Variants in ZWILCH observed in about 807,000 individuals in gnomAD.
ZWILCH encodes the protein zwilch kinetochore protein, also known as protein zwilch homolog.
Under a neutral mutation model 79.9 loss-of-function variants are expected in ZWILCH, and 74 were observed. The observed-to-expected ratio is 0.93, with a 90% CI of 0.77 to 1.12. ZWILCH has a LOEUF of 1.12. Ranked by LOEUF, ZWILCH falls within the 50% of genes most tolerant of loss-of-function variation. The pLI, the probability that ZWILCH is intolerant of heterozygous loss-of-function variation, is 0.00. For synonymous variants in ZWILCH, 241 were observed against 228.2 expected (o/e 1.06, Z -0.51); for missense variants, 694 against 687.5 (o/e 1.01, Z -0.11).
At chr15:66,528,701 TCTC>T in intron 10 of ZWILCH, 148 bp from the exon 11 acceptor site, 1 of 582,266 alleles carries the variant, frequency 1.7e-6, no homozygotes, top group Non-Finnish European at 3.0e-6. Context: ...TTGATTTGTA[TCTC>T]CTCATTAGTG....
chr15:66,522,604 G>A (rs1240741348), intron 7 of ZWILCH, among the ~76,000 whole-genome samples: 2 of 151,476 alleles, frequency 1.3e-5, no homozygotes, highest in African/African-American at 4.9e-5. Flanking sequence ...CACCACACCT[G>A]GCCTAAAATA....
chr15:66,539,174 G>A (rs557140458), intron 16 of ZWILCH, among the ~76,000 whole-genome samples: 3 of 151,936 alleles, frequency 2.0e-5, no homozygotes, highest in Non-Finnish European at 4.4e-5. Context: ...CTTATCCTCC[G>A]CTCATCCCTC....
chr15:66,510,034 T>C lies in ZWILCH; in HGVS notation c.105+1142T>C, dbSNP rs1476022999. On this transcript the variant is annotated intron_variant, in intron 2 of 18. Coordinates refer to ENST00000307897, the MANE Select transcript of ZWILCH (RefSeq NM_017975.5). Reference sequence around the variant, plus strand: ...TCTACTAAAAAATACAAAAATTAGCTGGGCATGGTGGCGTGTGCCTGTAGT... The same window carrying C: ...TCTACTAAAAAATACAAAAATTAGCCGGGCATGGTGGCGTGTGCCTGTAGT... 2.7e-5 allele frequency among the ~76,000 whole-genome samples: 4 copies of C among 149,608 alleles called. No homozygotes were observed. In the East Asian group the frequency reaches 7.8e-4, roughly 29 times the overall value.
At chr15:66,516,845 G>A (rs1894281351) in intron 4 of ZWILCH, among the ~76,000 whole-genome samples, 1 of 148,146 alleles carries the variant, frequency 6.8e-6, no homozygotes, top group South Asian at 2.1e-4. Flanking sequence ...TCCTTCATAG[G>A]TACTTGATTT....
At chr15:66,538,276 A>G (rs1042436978) in intron 16 of ZWILCH, among the ~76,000 whole-genome samples, 25 of 152,210 alleles carry the variant, frequency 1.6e-4, no homozygotes, top group African/African-American at 5.8e-4. Context: ...AAGGTCACCA[A>G]TGACCTTCTA....
At chr15:66,521,231 C>T (rs758585973) in intron 7 of ZWILCH, 26 bp downstream of exon 7, 67 of 1,603,096 alleles carry the variant, frequency 4.2e-5, no homozygotes, top group Middle Eastern at 1.7e-4. Flanking sequence ...ATTTCCTTTT[C>T]GGGTTCATGA....
chr15:66,517,455 T>TATATATATATATATAGAGAGAGAGAGAG (rs1180456312), intron 4 of ZWILCH, among the ~76,000 whole-genome samples: 1 of 115,222 alleles, frequency 8.7e-6, no homozygotes, highest in Non-Finnish European at 1.9e-5. Context: ...TATATATATA[T>TATATATATATATATAGAGAGAGAGAGAG]AGTAATGTAC....
In ZWILCH at chr15:66,520,709, C is replaced by T. The variant is rs547488493; in HGVS notation, c.591+49C>T. The T allele has an allele frequency of 2.2e-5, 27 of 1,237,990 alleles. 1 individual carries two copies. The highest frequency in any genetic ancestry group is 1.9e-4 in the Middle Eastern group (1 of 5,210). 76.7% of individuals were successfully genotyped at this position (1,237,990 alleles called of 1,614,324 possible). On this transcript the variant is annotated intron_variant, in intron 6 of 18. Transcript: ENST00000307897. Reference sequence around the variant, plus strand: ...ATTATTTTCTTCAAATTGTTGTCAACCTGCCTTCCTAGTTTACAGGTTTTT... The same window carrying T: ...ATTATTTTCTTCAAATTGTTGTCAATCTGCCTTCCTAGTTTACAGGTTTTT...
intron 4 of ZWILCH, among the ~76,000 whole-genome samples, chr15:66,516,544 T>C (rs190112359): frequency 6.0e-4 from 92 of 152,232 alleles, no homozygotes; most frequent in South Asian, 1.0e-3. Flanking sequence ...TTGCTCTTGT[T>C]GCCCAAGCTG....
intron 12 of ZWILCH, among the ~76,000 whole-genome samples, chr15:66,530,697 C>A (rs180806159): frequency 6.6e-6 from 1 of 152,184 alleles, no homozygotes; most frequent in Non-Finnish European, 1.5e-5. Context: ...CCACAGTGAA[C>A]TTGTGCCACT....
At chr15:66,544,966 A>G (rs1001758539) in intron 17 of ZWILCH, among the ~76,000 whole-genome samples, 10 of 148,472 alleles carry the variant, frequency 6.7e-5, no homozygotes, top group Admixed American at 2.0e-4. Context: ...CTGGTCTCAA[A>G]CTCCTGACCT....
chr15:66,537,536 C>CA (rs1399167324), intron 16 of ZWILCH, among the ~76,000 whole-genome samples: 1 of 151,712 alleles, frequency 6.6e-6, no homozygotes, highest in Non-Finnish European at 1.5e-5. Flanking sequence ...ACTAAAAATA[C>CA]AAAAATTAGC....
At chr15:66,506,257 G>A (rs1053738279) in intron 1 of ZWILCH, among the ~76,000 whole-genome samples, 3 of 152,008 alleles carry the variant, frequency 2.0e-5, no homozygotes, top group Non-Finnish European at 4.4e-5. Context: ...AATAGAAAGA[G>A]CACTAGCTTT....
Position 66,527,331 on chromosome 15 carries a change from C to T in ZWILCH, c.861C>T (p.Leu287=), listed in dbSNP as rs763524172. ...DGLRTGVTEW[L]EPLEAKSAVE... ...TGAGGACTGGTGTCACTGAATGGCT[C>T]GAGCCCCTGGAAGCAAAATCTGCTG... The change falls in exon 9 of 19, where the codon CTC becomes CTT. Residue 287 remains leucine, a synonymous_variant. Transcript: ENST00000307897. The T allele has an allele frequency of 3.7e-6, 6 of 1,613,890 alleles. No homozygotes were observed. In the Admixed American group the frequency reaches 5.0e-5, roughly 13 times the overall value.
At chr15:66,516,940 A>T (rs1894284711) in intron 4 of ZWILCH, among the ~76,000 whole-genome samples, 1 of 152,094 alleles carries the variant, frequency 6.6e-6, no homozygotes, top group Non-Finnish European at 1.5e-5. Flanking sequence ...GTGTGGGTTG[A>T]TTCATGCGCT....
intron 1 of ZWILCH, 198 bp downstream of exon 1, chr15:66,505,589 A>T: frequency 1.6e-6 from 1 of 612,244 alleles, no homozygotes; most frequent in Non-Finnish European, 2.8e-6. Flanking sequence ...GTCTCAGGAG[A>T]AAACGTGTAC....
At chr15:66,521,275 G>C in intron 7 of ZWILCH, 70 bp downstream of exon 7, 1 of 1,551,434 alleles carries the variant, frequency 6.4e-7, no homozygotes, top group South Asian at 1.2e-5. Flanking sequence ...GGTTGTTGCT[G>C]GTGCTCCATG....
In ZWILCH at chr15:66,540,079, C is replaced by A; in HGVS notation, c.1575-19C>A. ...CTGTTTTTGAAAATTTTTCTTTTGT[C>A]GTTTTATTCTTTCCTTAGTGAGAAG... On this transcript the variant is annotated intron_variant, in intron 16 of 18. Coordinates refer to ENST00000307897, the MANE Select transcript of ZWILCH (RefSeq NM_017975.5). 1.9e-6 allele frequency: 3 copies of A among 1,572,896 alleles called. No homozygotes were observed. Among genetic ancestry groups the A allele is most frequent in the South Asian group, 2.3e-5 (2 of 87,346 alleles).
At chr15:66,525,811 G>C (rs1334790764) in intron 8 of ZWILCH, among the ~76,000 whole-genome samples, 1 of 143,322 alleles carries the variant, frequency 7.0e-6, no homozygotes, top group Non-Finnish European at 1.5e-5. Flanking sequence ...ACCCAGCCTG[G>C]AGTGCAGTGG....
Sources: gnomAD v4.1 joint callset for allele counts (sites outside exome capture counted in the v4.1 genomes callset) on GRCh38, gnomAD v4.1.1 for gene constraint, MANE v1.5 for transcripts, NCBI Gene and HGNC (gene_info 2026-07-23, HGNC 2026-07-21) for gene names.